Variants in POU2F3 observed in about 807,000 individuals in gnomAD.
The protein encoded by POU2F3 is POU domain, class 2, transcription factor 3.
Under a neutral mutation model 59.2 loss-of-function variants are expected in POU2F3, and 23 were observed. The ratio of observed to expected loss-of-function variants is 0.39; its 90% CI spans 0.28 to 0.55. POU2F3 has a LOEUF of 0.55. POU2F3 is among the 20% of genes least tolerant of loss of function. The pLI is 0.66. For missense variants in POU2F3, 473 were observed against 544.5 expected (o/e 0.87, Z 1.31); for synonymous variants, 190 against 214.6 (o/e 0.89, Z 1.00).
intron 2 of POU2F3, among the ~76,000 whole-genome samples, chr11:120,263,754 C>T (rs1373240833): frequency 6.6e-6 from 1 of 152,148 alleles, no homozygotes; most frequent in African/African-American, 2.4e-5. Context: ...ATGCTGCTGG[C>T]CATATGTGTT....
intron 3 of POU2F3, among the ~76,000 whole-genome samples, chr11:120,297,642 C>T (rs1215704320): frequency 1.3e-5 from 2 of 152,156 alleles, no homozygotes; most frequent in African/African-American, 4.8e-5. Flanking sequence ...TAAAGAGTTG[C>T]CAGTTTTTTA....
chr11:120,269,747 G>A (rs112750232), intron 3 of POU2F3, among the ~76,000 whole-genome samples: 13 of 152,318 alleles, frequency 8.5e-5, no homozygotes, highest in African/African-American at 2.4e-4. Context: ...GTAGACATGC[G>A]CCTGGTGCTT....
intron 2 of POU2F3, 47 bp downstream of exon 2, chr11:120,246,564 G>T (rs752977683): frequency 1.3e-6 from 2 of 1,591,866 alleles, no homozygotes; most frequent in Non-Finnish European, 1.7e-6. Context: ...GGGGAAGAGA[G>T]TTGTTGGGAA....
At chr11:120,237,941 A>G (rs1938540770), upstream of POU2F3, among the ~76,000 whole-genome samples, 3 of 152,196 alleles carry the variant, frequency 2.0e-5, no homozygotes, top group Non-Finnish European at 4.4e-5. Flanking sequence ...TTCCTCACCC[A>G]GAAGAAACAA....
chr11:120,297,778 T>A (rs1941230135), intron 3 of POU2F3, among the ~76,000 whole-genome samples: 3 of 150,756 alleles, frequency 2.0e-5, no homozygotes, highest in African/African-American at 4.9e-5. Flanking sequence ...ATTTAATCCA[T>A]TTTTTTTTAA....
Position 120,249,433 on chromosome 11 carries a change from A to G in POU2F3, c.97+2916A>G, listed in dbSNP as rs569177016. Among the ~76,000 whole-genome samples, 72 of 152,008 alleles carry G rather than the reference A, an allele frequency of 4.7e-4. 1 individual carries two copies. In the South Asian group the frequency reaches 0.015, roughly 31 times the overall value. ...GCAGTCATGGCCACTGCAGCCTCGA[A>G]CTCCTGGCTCAAGGGATTCTCCTGC... On this transcript the variant is annotated intron_variant, in intron 2 of 12. Transcript: ENST00000543440.
intron 8 of POU2F3, among the ~76,000 whole-genome samples, chr11:120,307,213 G>C (rs972400880): frequency 1.3e-5 from 2 of 152,334 alleles, no homozygotes; most frequent in East Asian, 1.9e-4. Flanking sequence ...AGACACTGCT[G>C]TGGGGGCCAC....
At chr11:120,278,337 T>C (rs1940420958) in intron 3 of POU2F3, among the ~76,000 whole-genome samples, 1 of 152,082 alleles carries the variant, frequency 6.6e-6, no homozygotes, top group East Asian at 1.9e-4. Context: ...CGCCTCCTAA[T>C]TATTAAGACA....
At chr11:120,279,706 T>A (rs972238854) in intron 3 of POU2F3, among the ~76,000 whole-genome samples, 1 of 152,234 alleles carries the variant, frequency 6.6e-6, no homozygotes, top group African/African-American at 2.4e-5. Context: ...GTTTGTAGCC[T>A]GGGCAGCAGC....
chr11:120,236,833 G>A (rs1439285272), upstream of POU2F3: 13 of 941,930 alleles, frequency 1.4e-5, no homozygotes, highest in African/African-American at 4.9e-5. Context: ...GTGGGACTTA[G>A]AGGGCACCCC....
chr11:120,275,590 T>C (rs751835686), intron 3 of POU2F3, among the ~76,000 whole-genome samples: 1 of 152,176 alleles, frequency 6.6e-6, no homozygotes, highest in East Asian at 1.9e-4. Flanking sequence ...GACAGTGTTT[T>C]ATGTATGCTG....
rs141349171 is a variant in POU2F3, at chr11:120,277,408, T to G, written c.132+8164T>G. 3.1e-3 allele frequency among the ~76,000 whole-genome samples: 467 copies of G among 152,316 alleles called. 4 individuals are homozygous for G. The highest frequency in any genetic ancestry group is 0.02 in the Middle Eastern group (6 of 294). On this transcript the variant is annotated intron_variant, in intron 3 of 12. Transcript: ENST00000543440. ...CCACCTCCTTCTAACCCTGATGTTC[T>G]CAGTTTTATCAGATCCAGTGTCTCT...
chr11:120,319,238 T>C lies in POU2F3; in HGVS notation c.*846T>C, dbSNP rs1941860606. 1 of 152,608 alleles carries C rather than the reference T, an allele frequency of 6.6e-6. No homozygotes were observed. Among genetic ancestry groups the C allele is most frequent in the Non-Finnish European group, 1.5e-5 (1 of 68,034 alleles). 9.5% of individuals were successfully genotyped at this position (152,608 alleles called of 1,614,324 possible). ...AACAATGATGGTGGCAAAGTACCTG[T>C]ATATAGCCCTTTCCCATTTTTTGCA... is the stretch of plus-strand genomic sequence containing the variant. On this transcript the variant is annotated 3_prime_UTR_variant, in exon 13 of 13. Coordinates refer to ENST00000543440, the MANE Select transcript of POU2F3 (RefSeq NM_014352.4).
At chr11:120,240,422 G>A (rs774033637) in intron 1 of POU2F3, 51 bp downstream of exon 1, 2 of 1,341,782 alleles carry the variant, frequency 1.5e-6, no homozygotes, top group Admixed American at 6.3e-5. Flanking sequence ...GCGTGGGCAG[G>A]GGTGAAGGAG....
At chr11:120,309,402 C>T (rs750051764) in intron 9 of POU2F3, 23 bp from the exon 10 acceptor site, 6 of 1,596,318 alleles carry the variant, frequency 3.8e-6, no homozygotes, top group South Asian at 3.3e-5. Flanking sequence ...CTTGGCCATA[C>T]TCTGTCCTTT....
chr11:120,247,789 C>A (rs2847502), intron 2 of POU2F3, among the ~76,000 whole-genome samples: 1 of 151,962 alleles, frequency 6.6e-6, no homozygotes, highest in Non-Finnish European at 1.5e-5. Context: ...TAGAGAAAAA[C>A]CAGCCCAGGA....
chr11:120,238,241 AAAAAAG>A (rs989861381), upstream of POU2F3, among the ~76,000 whole-genome samples: 3 of 152,118 alleles, frequency 2.0e-5, no homozygotes, highest in African/African-American at 4.8e-5. Context: ...ACTCCATCTC[AAAAAAG>A]AAAAAGAAAA....
intron 1 of POU2F3, among the ~76,000 whole-genome samples, chr11:120,242,116 C>G (rs1485256182): frequency 6.6e-6 from 1 of 152,192 alleles, no homozygotes; most frequent in Non-Finnish European, 1.5e-5. Context: ...TGCCTGCTCC[C>G]TCCCCAGCCC....
Position 120,305,748 on chromosome 11 carries a change from G to C in POU2F3, c.732G>C (p.Lys244Asn). The C allele has an allele frequency of 6.2e-7, 1 of 1,613,900 alleles. No individual in the cohort carries two copies. The highest frequency in any genetic ancestry group is 8.5e-7 in the Non-Finnish European group (1 of 1,180,034). Residue 244 changes from lysine to asparagine, a missense_variant, in exon 8 of 13, where the codon AAG (lysine) becomes AAC (asparagine). Coordinates refer to ENST00000543440, the MANE Select transcript of POU2F3 (RefSeq NM_014352.4). ...ALNLSFKNMC[K>N]LKPLLEKWLN... ...ACCTGAGCTTCAAGAACATGTGCAA[G>C]CTCAAGCCCCTGCTGGAGAAGTGGC...
Sources: gnomAD v4.1 joint callset for allele counts (sites outside exome capture counted in the v4.1 genomes callset) on GRCh38, gnomAD v4.1.1 for gene constraint, MANE v1.5 for transcripts, NCBI Gene and HGNC (gene_info 2026-07-23, HGNC 2026-07-21) for gene names.